Variants in CDH12 observed in about 807,000 individuals in gnomAD.
CDH12 encodes cadherin-12.
A neutral mutation model predicts 74.1 loss-of-function variants in CDH12; 41 were observed. That is an observed-to-expected ratio of 0.55 (90% CI 0.43 to 0.72). The LOEUF is 0.72. Among genes scored for constraint, CDH12 ranks in the 30% least tolerant of loss-of-function variants. The probability of loss-of-function intolerance (pLI) is 0.00; values close to 1 mark genes in which losing one functional copy is unlikely to be tolerated. For synonymous variants in CDH12, 399 were observed against 355.0 expected (o/e 1.12, Z -1.39); for missense variants, 945 against 977.2 (o/e 0.97, Z 0.44).
intron 5 of CDH12, among the ~76,000 whole-genome samples, chr5:21,986,734 A>T (rs1429243886): frequency 6.6e-6 from 1 of 152,154 alleles, no homozygotes; most frequent in Non-Finnish European, 1.5e-5. Flanking sequence ...TCTAGATTTA[A>T]AAATAAATGC....
chr5:22,068,379 G>A (rs937849999), intron 5 of CDH12, among the ~76,000 whole-genome samples: 1 of 152,168 alleles, frequency 6.6e-6, no homozygotes, highest in Non-Finnish European at 1.5e-5. Flanking sequence ...TGATAAGCAA[G>A]CACCATCTGA....
chr5:22,722,275 A>C lies in CDH12; in HGVS notation c.-523+130783T>G, dbSNP rs186216810. 9.2e-5 allele frequency among the ~76,000 whole-genome samples: 14 copies of C among 152,348 alleles called. No individual in the cohort carries two copies. In the East Asian group the frequency reaches 2.5e-3, roughly 27 times the overall value. On this transcript the variant is annotated intron_variant, in intron 1 of 14. Coordinates refer to ENST00000382254, the MANE Select transcript of CDH12 (RefSeq NM_004061.5). ...AGTCAGCATGCTTCTGCTCCAGTTA[A>C]GTAGCCTGAAACACAGAAAATCAGA...
chr5:22,376,320 T>A (rs991617455), intron 3 of CDH12, among the ~76,000 whole-genome samples: 1 of 151,560 alleles, frequency 6.6e-6, no homozygotes, highest in Non-Finnish European at 1.5e-5. Flanking sequence ...GGAGGGAGGA[T>A]AAAGAGAGAC....
chr5:22,623,214 T>C (rs969257922), intron 1 of CDH12, among the ~76,000 whole-genome samples: 2 of 152,180 alleles, frequency 1.3e-5, no homozygotes, highest in Non-Finnish European at 2.9e-5. Flanking sequence ...GCCAATATCA[T>C]ACTGAATGGG....
intron 1 of CDH12, among the ~76,000 whole-genome samples, chr5:22,815,417 A>C (rs190060300): frequency 6.6e-6 from 1 of 152,170 alleles, no homozygotes; most frequent in Non-Finnish European, 1.5e-5. Context: ...AATTTCAACA[A>C]GTAATGGCAA....
intron 4 of CDH12, among the ~76,000 whole-genome samples, chr5:22,153,889 A>T (rs10473575): frequency 0.16 from 6,353 of 40,818 alleles, 267 homozygotes; most frequent in African/African-American, 0.25. Context: ...TATATATATA[A>T]ATATATATAT....
At chr5:22,406,724 T>C (rs1742955107) in intron 2 of CDH12, among the ~76,000 whole-genome samples, 1 of 152,106 alleles carries the variant, frequency 6.6e-6, no homozygotes, top group Non-Finnish European at 1.5e-5. Context: ...CATGTGGTAA[T>C]ACAGATAAAT....
chr5:22,030,183 G>A (rs1178733001), intron 5 of CDH12, among the ~76,000 whole-genome samples: 1 of 151,688 alleles, frequency 6.6e-6, no homozygotes, highest in Non-Finnish European at 1.5e-5. Flanking sequence ...GTTAATGGGT[G>A]CAACACACCA....
At chr5:22,605,707 G>A (rs531781495) in intron 1 of CDH12, among the ~76,000 whole-genome samples, 2 of 152,344 alleles carry the variant, frequency 1.3e-5, no homozygotes, top group African/African-American at 2.4e-5. Context: ...CCTGTGTAGG[G>A]GAAAGTCAGG....
chr5:22,104,683 G>A (rs772575793), intron 4 of CDH12, among the ~76,000 whole-genome samples: 4 of 152,052 alleles, frequency 2.6e-5, no homozygotes, highest in African/African-American at 4.8e-5. Context: ...CAAAAGTCTC[G>A]GAGAGCCCAT....
At chr5:21,920,686 A>ATAATAATAATAATAATAATAC (rs1421552503) in intron 6 of CDH12, among the ~76,000 whole-genome samples, 48 of 150,000 alleles carry the variant, frequency 3.2e-4, no homozygotes, top group African/African-American at 1.2e-3. Context: ...AATAATAATA[A>ATAATAATAATAATAATAATAC]TAATCTTCAA....
At chr5:22,529,390 G>C (rs1038646183) in intron 1 of CDH12, among the ~76,000 whole-genome samples, 2 of 151,796 alleles carry the variant, frequency 1.3e-5, no homozygotes, top group Admixed American at 1.3e-4. Flanking sequence ...TGCAGTCTCA[G>C]CCTAAATTCT....
chr5:21,873,919 T>A (rs957364710), intron 6 of CDH12, among the ~76,000 whole-genome samples: 1 of 146,588 alleles, frequency 6.8e-6, no homozygotes, highest in African/African-American at 2.5e-5. Flanking sequence ...CCCATGTCCC[T>A]GCAAAGAACA....
At chr5:22,613,985 G>A (rs899152923) in intron 1 of CDH12, among the ~76,000 whole-genome samples, 4 of 151,998 alleles carry the variant, frequency 2.6e-5, no homozygotes, top group African/African-American at 9.7e-5. Context: ...CATATATGAA[G>A]TGACAGTCTG....
intron 6 of CDH12, among the ~76,000 whole-genome samples, chr5:21,870,218 G>A (rs922276669): frequency 6.6e-6 from 1 of 152,064 alleles, no homozygotes; most frequent in African/African-American, 2.4e-5. Flanking sequence ...CCAGTCTTGG[G>A]TATGTCTTTA....
At chr5:22,600,029 C>T (rs1200308614) in intron 1 of CDH12, among the ~76,000 whole-genome samples, 1 of 151,962 alleles carries the variant, frequency 6.6e-6, no homozygotes. Context: ...CACAGATTGT[C>T]TCAATGGGGA....
At chr5:22,690,858 C>T (rs2126942899) in intron 1 of CDH12, among the ~76,000 whole-genome samples, 1 of 152,204 alleles carries the variant, frequency 6.6e-6, no homozygotes, top group East Asian at 1.9e-4. Context: ...AGTCTTTTCA[C>T]TATTTCTCAT....
intron 5 of CDH12, among the ~76,000 whole-genome samples, chr5:21,980,266 T>C (rs902225984): frequency 2.0e-5 from 3 of 152,040 alleles, no homozygotes; most frequent in African/African-American, 7.2e-5. Flanking sequence ...AATATGCATC[T>C]TTTTGTAGTA....
rs1261395 is a variant in CDH12 at position 22,398,465 on chromosome 5, C to T, written c.-333+6792G>A. On this transcript the variant is annotated intron_variant, in intron 3 of 14. Transcript: ENST00000382254. The stretch of plus-strand genomic sequence containing the variant: ...TGAATGACACCTAAACCACATAGAT[C>T]TCCAGTCTTTAAGACGGAGATAATA... Among the ~76,000 whole-genome samples, 116 of 152,224 alleles carry T rather than the reference C, an allele frequency of 7.6e-4. 1 individual carries two copies. The East Asian group carries it at 0.017, about 23-fold the overall frequency.
Sources: gnomAD v4.1 joint callset for allele counts (sites outside exome capture counted in the v4.1 genomes callset) on GRCh38, gnomAD v4.1.1 for gene constraint, MANE v1.5 for transcripts, NCBI Gene and HGNC (gene_info 2026-07-23, HGNC 2026-07-21) for gene names.